RGS20: variants seen among roughly 807,000 people sequenced by gnomAD.
RGS20 encodes regulator of G protein signaling 20, also known as gz-selective GTPase-activating protein.
A neutral mutation model predicts 33.6 loss-of-function variants in RGS20; 30 were observed. The observed-to-expected ratio is 0.89, with a 90% CI of 0.67 to 1.21. The LOEUF (loss-of-function observed/expected upper bound fraction) is 1.21. Among genes scored for constraint, RGS20 ranks in the 50% most tolerant of loss-of-function variants. The pLI is 0.00. For synonymous variants in RGS20, 208 were observed against 197.9 expected (o/e 1.05, Z -0.43); for missense variants, 472 against 502.4 (o/e 0.94, Z 0.58).
At chr8:53,939,111 C>A (rs1814214548) in intron 2 of RGS20, among the ~76,000 whole-genome samples, 2 of 152,224 alleles carry the variant, frequency 1.3e-5, no homozygotes, top group Non-Finnish European at 2.9e-5. Context: ...CTCTCGTCAG[C>A]CTGCTGTATT....
chr8:53,869,190 T>A (rs1039536582), intron 1 of RGS20, among the ~76,000 whole-genome samples: 1 of 152,254 alleles, frequency 6.6e-6, no homozygotes, highest in Non-Finnish European at 1.5e-5. Context: ...TATAGAATGC[T>A]ACAAGAAAAG....
chr8:53,928,788 A>G (rs935477371), intron 2 of RGS20, among the ~76,000 whole-genome samples: 1 of 151,268 alleles, frequency 6.6e-6, no homozygotes, highest in East Asian at 1.9e-4. Context: ...ACACCATTGC[A>G]CTCCAGCCTG....
intron 1 of RGS20, among the ~76,000 whole-genome samples, chr8:53,859,371 A>G (rs1293313067): frequency 2.0e-5 from 3 of 152,204 alleles, no homozygotes; most frequent in South Asian, 4.1e-4. Context: ...AATCCTGGCT[A>G]GCTTTAGTAT....
Position 53,851,861 on chromosome 8 carries a change from C to A in RGS20, c.-39C>A, listed in dbSNP as rs759661125. 6.2e-7 allele frequency: 1 copy of A among 1,600,534 alleles called. No homozygotes were observed. The highest frequency in any genetic ancestry group is 8.5e-7 in the Non-Finnish European group (1 of 1,172,580). ...GATCCTGTGCTAATATTGGGAAAAC[C>A]AGGCAACAGGACTCATTTGGGGCCT... On this transcript the variant is annotated 5_prime_UTR_variant, in exon 1 of 6. Transcript: ENST00000297313.
intron 2 of RGS20, chr8:53,881,077 G>T (rs746893749): frequency 5.2e-6 from 8 of 1,544,830 alleles, no homozygotes; most frequent in African/African-American, 2.8e-5. Flanking sequence ...AGGGTGGACG[G>T]TGGGCTCGTG....
In RGS20 at chr8:53,889,467, T is replaced by C. The variant is rs187652149; in HGVS notation, c.510+9865T>C. Among the ~76,000 whole-genome samples the C allele has an allele frequency of 2.3e-3, 291 of 126,092 alleles. 1 individual carries two copies. The highest frequency in any genetic ancestry group is 5.1e-3 in the South Asian group (17 of 3,336). 82.7% of individuals were successfully genotyped at this position (126,092 alleles called of 152,430 possible). The stretch of plus-strand genomic sequence containing the variant: ...TTTTTTTTTTGAGACAGGGTCTCAC[T>C]CTGTTGCCCAGGCTGGAAGGCAGTG... On this transcript the variant is annotated intron_variant, in intron 2 of 5. Coordinates refer to ENST00000297313, the MANE Select transcript of RGS20 (RefSeq NM_170587.4).
At chr8:53,933,844 AG>A (rs1314201941) in intron 2 of RGS20, 5 of 152,226 alleles carry the variant, frequency 3.3e-5, no homozygotes, top group Non-Finnish European at 7.3e-5. Context: ...AAAAATGTTA[AG>A]GGCAGCCAGA....
At chr8:53,899,285 T>A (rs754220160) in intron 2 of RGS20, among the ~76,000 whole-genome samples, 3 of 152,178 alleles carry the variant, frequency 2.0e-5, no homozygotes, top group South Asian at 4.1e-4. Flanking sequence ...GAATCATGAC[T>A]TTATGGAACA....
At chr8:53,879,931 C>T (rs1812310900) in intron 2 of RGS20, 5 of 298,474 alleles carry the variant, frequency 1.7e-5, no homozygotes, top group Non-Finnish European at 6.1e-6. Context: ...CCGCCTACTC[C>T]GAGCCTCCCC....
At chr8:53,897,172 G>A (rs2129279445) in intron 2 of RGS20, among the ~76,000 whole-genome samples, 1 of 152,312 alleles carries the variant, frequency 6.6e-6, no homozygotes, top group East Asian at 1.9e-4. Flanking sequence ...CATGTACGTT[G>A]ACACATTCCA....
intron 5 of RGS20, among the ~76,000 whole-genome samples, chr8:53,956,603 G>A (rs1166079181): frequency 1.3e-5 from 2 of 152,152 alleles, no homozygotes; most frequent in Admixed American, 1.3e-4. Context: ...GTCTGGTGTA[G>A]GCAGACCAGG....
chr8:53,914,420 A>G (rs1406364552), intron 2 of RGS20, among the ~76,000 whole-genome samples: 1 of 151,936 alleles, frequency 6.6e-6, no homozygotes, highest in East Asian at 1.9e-4. Flanking sequence ...TTTTGATCTT[A>G]TCCCTTACAG....
chr8:53,869,487 C>T (rs1038571829), intron 1 of RGS20, among the ~76,000 whole-genome samples: 1 of 152,086 alleles, frequency 6.6e-6, no homozygotes, highest in Non-Finnish European at 1.5e-5. Flanking sequence ...ACCAGCCTGG[C>T]CAACATGGTG....
chr8:53,953,926 A>G (rs1178473678), intron 4 of RGS20, 150 bp from the exon 4 acceptor site: 3 of 675,052 alleles, frequency 4.4e-6, no homozygotes, highest in South Asian at 1.7e-5. Context: ...AGGTTTGAGG[A>G]AATGCGAACA....
At position 53,891,997 on chromosome 8, in the gene RGS20, G is replaced by A. The variant is rs1306230849; in HGVS notation, c.510+12395G>A. Among the ~76,000 whole-genome samples, 7 of 151,968 alleles carry A rather than the reference G, an allele frequency of 4.6e-5. No individual in the cohort carries two copies. The East Asian group carries it at 5.8e-4, about 13-fold the overall frequency. On this transcript the variant is annotated intron_variant, in intron 2 of 5. Transcript: ENST00000297313. The stretch of plus-strand genomic sequence containing the variant: ...GCTGGTGTGCTGCACCCATTAACTC[G>A]TCATTTAGCATTAGGTATATCTCCT...
chr8:53,906,517 CAG>C (rs1784286818), intron 2 of RGS20, among the ~76,000 whole-genome samples: 1 of 152,132 alleles, frequency 6.6e-6, no homozygotes, highest in South Asian at 2.1e-4. Context: ...ATTTCCCAGG[CAG>C]GGGAAACCTA....
At chr8:53,869,127 C>A (rs1811995351) in intron 1 of RGS20, among the ~76,000 whole-genome samples, 1 of 152,178 alleles carries the variant, frequency 6.6e-6, no homozygotes. Context: ...TTAAATGTTT[C>A]TTTTCAATTT....
chr8:53,862,975 ATTTTCTTTTC>A (rs537731016), intron 1 of RGS20, among the ~76,000 whole-genome samples: 51 of 152,002 alleles, frequency 3.4e-4, no homozygotes, highest in African/African-American at 1.2e-3. Flanking sequence ...AGCTCATGAC[ATTTTCTTTTC>A]TTTTCTTTTC....
At chr8:53,897,111 CTAGT>C (rs1237744009) in intron 2 of RGS20, among the ~76,000 whole-genome samples, 4 of 152,232 alleles carry the variant, frequency 2.6e-5, no homozygotes, top group African/African-American at 4.8e-5. Context: ...GTAGAGAAAG[CTAGT>C]TAGTCACTTA....
Sources: allele counts gnomAD v4.1 joint callset (sites outside exome capture counted in the v4.1 genomes callset), GRCh38; gene constraint gnomAD v4.1.1; transcripts MANE v1.5; gene names NCBI Gene and HGNC (gene_info 2026-07-23, HGNC 2026-07-21).